The following VPS8 variants were observed in gnomAD, a reference collection of about 807,000 sequenced individuals.
VPS8 encodes vacuolar protein sorting-associated protein 8 homolog.
Under a neutral mutation model 216.4 loss-of-function variants are expected in VPS8, and 129 were observed. That is an observed-to-expected ratio of 0.60 (90% CI 0.52 to 0.69). The LOEUF is 0.69. VPS8 is among the 30% of genes least tolerant of loss of function. The probability of loss-of-function intolerance (pLI) is 0.00; values close to 1 mark genes in which losing one functional copy is unlikely to be tolerated. For missense variants in VPS8, 1,531 were observed against 1,683.5 expected, an observed-to-expected ratio of 0.91 and a Z score of 1.59; for synonymous variants, 571 against 565.4, an observed-to-expected ratio of 1.01 and a Z score of -0.14.
chr3:185,032,326 A>C (rs1758289749), intron 46 of VPS8, among the ~76,000 whole-genome samples: 1 of 152,204 alleles, frequency 6.6e-6, no homozygotes, highest in South Asian at 2.1e-4. Context: ...TAGAGGTGAG[A>C]GGGCTATTGC....
At position 184,900,936 on chromosome 3, in the gene VPS8, A is replaced by G; in HGVS notation, c.2110A>G (p.Ile704Val). 2 of 1,605,930 alleles carry G rather than the reference A, an allele frequency of 1.2e-6. No homozygotes were observed. Among genetic ancestry groups the G allele is most frequent in the Non-Finnish European group, 1.7e-6 (2 of 1,178,200 alleles). The change falls in exon 25 of 48, where the codon ATT (isoleucine) becomes GTT (valine). Residue 704 changes from isoleucine (I) to valine (V), a missense_variant. By Grantham distance (29) the Ile-to-Val change is conservative. Coordinates refer to ENST00000625842, the MANE Select transcript of VPS8 (RefSeq NM_001009921.3). Reference protein sequence around the residue: ...ISPMEKLFRVIAPPLNAGKTL... With the variant: ...ISPMEKLFRVVAPPLNAGKTL... ...TTTAATGCAGAAACTTTTCAGAGTC[A>G]TTGCTCCTCCTCTGAATGCAGGAAA...
At chr3:184,824,864 A>C (rs1227827975) in intron 2 of VPS8, 79 bp downstream of exon 2, 1 of 1,390,132 alleles carries the variant, frequency 7.2e-7, no homozygotes, top group African/African-American at 1.5e-5. Flanking sequence ...AGAGACTCTA[A>C]GTCTGTCATT....
At position 184,855,749 on chromosome 3, in the gene VPS8, T is replaced by C; in HGVS notation, c.1074T>C (p.Phe358=). 1 of 1,613,748 alleles carries C rather than the reference T, an allele frequency of 6.2e-7. No homozygotes were observed. The highest frequency in any genetic ancestry group is 8.5e-7 in the Non-Finnish European group (1 of 1,179,806). ...GTGTGCCACTGCTGGCCTGGCACTT[T>C]GTAGCAGTACAAAATTACGTGAATC... is the stretch of plus-strand genomic sequence containing the variant. ...PSSVPLLAWH[F]VAVQNYVNPM... is the part of the protein sequence containing the mutation. Residue 358 remains phenylalanine, a synonymous_variant, in exon 14 of 48, where the codon TTT becomes TTC. Transcript: ENST00000625842.
chr3:184,835,139 A>AT (rs397826593), intron 5 of VPS8, among the ~76,000 whole-genome samples: 40,899 of 145,206 alleles, frequency 0.28, 5,981 homozygotes, highest in East Asian at 0.48. Context: ...CAACTGAATG[A>AT]TTTTTTTTTT....
At chr3:184,951,742 A>G (rs1422354940) in intron 36 of VPS8, among the ~76,000 whole-genome samples, 8 of 152,232 alleles carry the variant, frequency 5.3e-5, no homozygotes, top group African/African-American at 1.7e-4. Flanking sequence ...ATAGAAGACT[A>G]ACAGATAGCT....
intron 42 of VPS8, among the ~76,000 whole-genome samples, chr3:184,985,144 G>A (rs1050471267): frequency 6.6e-6 from 1 of 152,062 alleles, no homozygotes; most frequent in African/African-American, 2.4e-5. Context: ...TTTTCAAGGT[G>A]CTTTCACAGA....
At chr3:184,889,949 A>G (rs1218186184) in intron 22 of VPS8, among the ~76,000 whole-genome samples, 2 of 152,212 alleles carry the variant, frequency 1.3e-5, no homozygotes, top group Non-Finnish European at 1.5e-5. Flanking sequence ...ATGACTAAAG[A>G]TTTATTAGAT....
chr3:184,851,384 A>G (rs925931793), intron 10 of VPS8, among the ~76,000 whole-genome samples: 3 of 152,246 alleles, frequency 2.0e-5, no homozygotes, highest in South Asian at 2.1e-4. Context: ...CTTGCATTTT[A>G]ATACTCCTAC....
At position 184,838,757 on chromosome 3, in the gene VPS8, T is replaced by G. The variant is rs555796610; in HGVS notation, c.480+11T>G. 18 of 1,539,488 alleles carry G rather than the reference T, an allele frequency of 1.2e-5. No homozygotes were observed. In the African/African-American group the frequency reaches 1.9e-4, roughly 16 times the overall value. The stretch of plus-strand genomic sequence containing the variant: ...TTGCCTACAGCAATTGTAAGTATAC[T>G]TTAACTTTTTAAAGGTAAGTTTTCT... On this transcript the variant is annotated intron_variant, in intron 6 of 47. Coordinates refer to ENST00000625842, the MANE Select transcript of VPS8 (RefSeq NM_001009921.3).
At chr3:184,872,703 T>C (rs1309021357) in intron 21 of VPS8, among the ~76,000 whole-genome samples, 1 of 151,968 alleles carries the variant, frequency 6.6e-6, no homozygotes, top group Non-Finnish European at 1.5e-5. Flanking sequence ...GAGAGAAAAA[T>C]TATCACTTTA....
Position 185,031,814 on chromosome 3 carries a change from AGT to A in VPS8, c.4056+7426_4056+7427del, listed in dbSNP as rs566204097. On this transcript the variant is annotated intron_variant, in intron 46 of 47. Coordinates refer to ENST00000625842, the MANE Select transcript of VPS8 (RefSeq NM_001009921.3). ...CCTGCCTTTGGTCAGAGTTTGGACT[AGT>A]TGATTTTTAGATCCCTTGAAGCATT... 4.6e-5 allele frequency among the ~76,000 whole-genome samples: 7 copies of A among 152,342 alleles called. No individual in the cohort carries two copies. In the East Asian group the frequency reaches 1.3e-3, roughly 29 times the overall value.
intron 37 of VPS8, among the ~76,000 whole-genome samples, chr3:184,962,761 G>GTGTGTGTT (rs1324151343): frequency 3.8e-4 from 35 of 93,136 alleles, no homozygotes; most frequent in African/African-American, 1.1e-3. Flanking sequence ...GTGTGTGTGT[G>GTGTGTGTT]TGTGTCTTAT....
At chr3:184,862,550 C>A (rs1726567960) in intron 15 of VPS8, among the ~76,000 whole-genome samples, 1 of 152,120 alleles carries the variant, frequency 6.6e-6, no homozygotes, top group Admixed American at 6.5e-5. Flanking sequence ...TCAGCAATAT[C>A]AGAAAAACTA....
chr3:184,950,216 CTTT>C (rs10700220), intron 36 of VPS8, among the ~76,000 whole-genome samples: 3 of 39,930 alleles, frequency 7.5e-5, no homozygotes, highest in Admixed American at 4.4e-4. Context: ...CAGTTTTCTG[CTTT>C]TTTTTTTTTT....
At chr3:184,879,861 A>G (rs1384497184) in intron 21 of VPS8, among the ~76,000 whole-genome samples, 1 of 152,178 alleles carries the variant, frequency 6.6e-6, no homozygotes, top group Non-Finnish European at 1.5e-5. Flanking sequence ...TGGACAATAT[A>G]GTTTGTCTCT....
intron 40 of VPS8, among the ~76,000 whole-genome samples, chr3:184,980,290 A>C (rs1334005464): frequency 2.0e-5 from 3 of 150,638 alleles, no homozygotes. Context: ...CTTGTATAAT[A>C]TCTCACAAGG....
At chr3:184,819,954 A>G (rs1463369546) in intron 1 of VPS8, among the ~76,000 whole-genome samples, 3 of 152,164 alleles carry the variant, frequency 2.0e-5, no homozygotes, top group Non-Finnish European at 4.4e-5. Context: ...GTGTAAGTGG[A>G]TCATTATAAA....
intron 21 of VPS8, among the ~76,000 whole-genome samples, chr3:184,872,208 G>A (rs1392254201): frequency 6.6e-6 from 1 of 151,956 alleles, no homozygotes; most frequent in African/African-American, 2.4e-5. Flanking sequence ...AGGAACTCTG[G>A]CCTTTGGAAG....
At chr3:184,812,829 A>C (rs1715444621) in intron 1 of VPS8, 1 of 152,044 alleles carries the variant, frequency 6.6e-6, no homozygotes, top group Non-Finnish European at 1.5e-5. Context: ...ACAGGTGTGG[A>C]CCCCTTTAGC....
Sources: allele counts gnomAD v4.1 joint callset (sites outside exome capture counted in the v4.1 genomes callset), GRCh38; gene constraint gnomAD v4.1.1; transcripts MANE v1.5; gene names NCBI Gene and HGNC (gene_info 2026-07-23, HGNC 2026-07-21).